The following PCDHA4 variants were observed in gnomAD, a reference collection of about 807,000 sequenced individuals.
The protein encoded by PCDHA4 is protocadherin alpha 4, also known as protocadherin alpha-4.
PCDHA4 carries 49 observed loss-of-function variants against 61.4 expected under a neutral mutation model. That is an observed-to-expected ratio of 0.80 (90% CI 0.63 to 1.01). The LOEUF (loss-of-function observed/expected upper bound fraction) is 1.01. Among genes scored for constraint, PCDHA4 ranks in the 50% least tolerant of loss-of-function variants. PCDHA4 has a pLI of 0.00. For missense variants in PCDHA4, 1,254 were observed against 1,235.8 expected, an observed-to-expected ratio of 1.01 and a Z score of -0.22; for synonymous variants, 590 against 550.3, an observed-to-expected ratio of 1.07 and a Z score of -1.01.
intron 1 of PCDHA4, chr5:140,851,685 G>T: frequency 1.1e-6 from 1 of 926,488 alleles, no homozygotes; most frequent in Non-Finnish European, 1.3e-6. Context: ...TCTCCATTCA[G>T]TGATAAAATG....
intron 1 of PCDHA4, among the ~76,000 whole-genome samples, chr5:140,898,157 G>T (rs1455235992): frequency 2.6e-5 from 4 of 152,162 alleles, no homozygotes; most frequent in African/African-American, 7.2e-5. Flanking sequence ...CACGCTGATG[G>T]TGGTTTCTTT....
intron 1 of PCDHA4, chr5:140,842,773 G>A: frequency 6.3e-7 from 1 of 1,594,638 alleles, no homozygotes; most frequent in Non-Finnish European, 8.6e-7. Context: ...ACGCGGACGC[G>A]CAGGAGAACG....
At chr5:140,840,778 A>T (rs1277652633) in intron 1 of PCDHA4, among the ~76,000 whole-genome samples, 2 of 152,094 alleles carry the variant, frequency 1.3e-5, no homozygotes, top group Non-Finnish European at 2.9e-5. Context: ...GAAAAGTTAG[A>T]ATTATATGCT....
At chr5:140,873,653 C>A (rs2054406845) in intron 1 of PCDHA4, among the ~76,000 whole-genome samples, 1 of 152,104 alleles carries the variant, frequency 6.6e-6, no homozygotes, top group Non-Finnish European at 1.5e-5. Context: ...AACTACATAA[C>A]ACACTATTAT....
At chr5:140,875,648 T>C in intron 1 of PCDHA4, 1 of 1,613,728 alleles carries the variant, frequency 6.2e-7, no homozygotes, top group Non-Finnish European at 8.5e-7. Flanking sequence ...CTGGCGGAGC[T>C]GGTGCCGCGC....
chr5:140,808,973 G>T lies in PCDHA4; in HGVS notation c.1786G>T (p.Ala596Ser). 6.2e-7 allele frequency: 1 copy of T among 1,613,674 alleles called. No homozygotes were observed. Among genetic ancestry groups the T allele is most frequent in the Non-Finnish European group, 8.5e-7 (1 of 1,179,724 alleles). The change falls in exon 1 of 4, where the codon GCG (alanine) becomes TCG (serine). Residue 596 changes from alanine to serine, a missense_variant. Coordinates refer to ENST00000530339, the MANE Select transcript of PCDHA4 (RefSeq NM_018907.4). ...GGGCCACGTGGTGGCAAAGGTGCGCGCGGTGGATGCTGACTCGGGCTACAA... is the reference window on the plus strand; with the variant it reads ...GGGCCACGTGGTGGCAAAGGTGCGCTCGGTGGATGCTGACTCGGGCTACAA... Reference protein sequence around the residue: ...GVGHVVAKVRAVDADSGYNAW... With the variant: ...GVGHVVAKVRSVDADSGYNAW...
At chr5:140,999,554 G>T (rs2097862771) in intron 3 of PCDHA4, among the ~76,000 whole-genome samples, 1 of 152,158 alleles carries the variant, frequency 6.6e-6, no homozygotes, top group Non-Finnish European at 1.5e-5. Context: ...TGAAGAGGGG[G>T]TATTTTGAGA....
intron 1 of PCDHA4, chr5:140,836,418 T>G (rs1470820599): frequency 6.2e-7 from 1 of 1,613,726 alleles, no homozygotes; most frequent in Non-Finnish European, 8.5e-7. Context: ...ACCAAAGGCG[T>G]CGTCGCGGGC....
At chr5:140,966,638 T>A in intron 1 of PCDHA4, 2 of 1,090,114 alleles carry the variant, frequency 1.8e-6, no homozygotes, top group South Asian at 2.2e-5. Flanking sequence ...CCAGGCGCTT[T>A]CTAGAGCGTG....
Position 140,827,982 on chromosome 5 carries a change from G to A in PCDHA4, c.2385+18410G>A, listed in dbSNP as rs1466439579. ...TCTATTACTGCATCATTCCCTGACT[G>A]TTGAATGATGGCGGACGCAGAAGAA... On this transcript the variant is annotated intron_variant, in intron 1 of 3. Coordinates refer to ENST00000530339, the MANE Select transcript of PCDHA4 (RefSeq NM_018907.4). 4.2e-6 allele frequency: 6 copies of A among 1,434,114 alleles called. No individual in the cohort carries two copies. The African/African-American group carries it at 8.6e-5, about 20-fold the overall frequency. The allele number at this position is 1,434,114 out of a possible 1,614,324, so 88.8% of individuals were successfully genotyped here.
At chr5:140,843,714 A>G (rs2150365461) in intron 1 of PCDHA4, 11 of 1,569,726 alleles carry the variant, frequency 7.0e-6, no homozygotes, top group Admixed American at 6.9e-5. Flanking sequence ...CATGGCCTCA[A>G]AGTAAGTCCA....
At chr5:140,852,901 CA>C in intron 1 of PCDHA4, 4 of 823,926 alleles carry the variant, frequency 4.9e-6, no homozygotes, top group Non-Finnish European at 6.0e-6. Context: ...TTTTTTGAGT[CA>C]GAGTCTCGCT....
At chr5:140,906,265 TATAG>T (rs1455952624) in intron 1 of PCDHA4, among the ~76,000 whole-genome samples, 7 of 152,148 alleles carry the variant, frequency 4.6e-5, no homozygotes, top group African/African-American at 1.2e-4. Context: ...CTCCTGAAAT[TATAG>T]ATAATCTTCA....
chr5:140,841,307 A>G lies in PCDHA4; in HGVS notation c.2385+31735A>G. ...TATTAAGATAATATTTTCTGATAGGAAACGACTATTTAACATGGATTATCA... is the reference window on the plus strand; with the variant it reads ...TATTAAGATAATATTTTCTGATAGGGAACGACTATTTAACATGGATTATCA... On this transcript the variant is annotated intron_variant, in intron 1 of 3. Coordinates refer to ENST00000530339, the MANE Select transcript of PCDHA4 (RefSeq NM_018907.4). 3 of 1,579,516 alleles carry G rather than the reference A, an allele frequency of 1.9e-6. No individual in the cohort carries two copies. In the African/African-American group the frequency reaches 4.1e-5, roughly 22 times the overall value.
intron 1 of PCDHA4, chr5:140,871,241 C>T (rs782602807): frequency 2.5e-6 from 4 of 1,613,972 alleles, no homozygotes; most frequent in Admixed American, 1.7e-5. Flanking sequence ...CTGGTACTCA[C>T]GCTGCTGCTG....
At chr5:140,877,487 A>C (rs1293347310) in intron 1 of PCDHA4, 1 of 1,613,704 alleles carries the variant, frequency 6.2e-7, no homozygotes, top group African/African-American at 1.3e-5. Context: ...CTGGTGGAGA[A>C]CGGCCAGGCC....
intron 1 of PCDHA4, chr5:140,926,708 C>G (rs1554203635): frequency 2.2e-6 from 2 of 896,142 alleles, no homozygotes; most frequent in South Asian, 5.3e-5. Context: ...CCCAGCTGGC[C>G]AGCCCCGGCA....
chr5:140,978,601 G>A (rs1382051729), intron 1 of PCDHA4, among the ~76,000 whole-genome samples: 1 of 152,244 alleles, frequency 6.6e-6, no homozygotes, highest in African/African-American at 2.4e-5. Flanking sequence ...TGGGGCACTT[G>A]AGGGCAAAAG....
intron 1 of PCDHA4, among the ~76,000 whole-genome samples, chr5:140,887,600 G>A (rs1306659335): frequency 6.6e-6 from 1 of 151,812 alleles, no homozygotes; most frequent in African/African-American, 2.4e-5. Context: ...TGATTGTGAT[G>A]TGCTTTAGTA....
Sources: allele counts gnomAD v4.1 joint callset (sites outside exome capture counted in the v4.1 genomes callset), GRCh38; gene constraint gnomAD v4.1.1; transcripts MANE v1.5; gene names NCBI Gene and HGNC (gene_info 2026-07-23, HGNC 2026-07-21).